Variants in SMAD9 observed in about 807,000 individuals in gnomAD.
SMAD9 encodes the protein MAD homolog 9.
In SMAD9, 36 loss-of-function variants were observed where a neutral mutation model predicts 46.1. The observed-to-expected ratio is 0.78, with a 90% CI of 0.60 to 1.03. The LOEUF is 1.03. SMAD9 is among the 50% of genes least tolerant of loss of function. SMAD9 has a pLI of 0.00. For synonymous variants in SMAD9, 245 were observed against 237.1 expected (o/e 1.03, Z -0.31); for missense variants, 572 against 599.8 (o/e 0.95, Z 0.48).
chr13:36,914,344 C>A (rs1253145313), intron 1 of SMAD9, among the ~76,000 whole-genome samples: 1 of 152,028 alleles, frequency 6.6e-6, no homozygotes, highest in Admixed American at 6.5e-5. Flanking sequence ...ATGGTGAAAC[C>A]CTGTCTCTAC....
chr13:36,862,892 T>C (rs569651365), intron 5 of SMAD9, among the ~76,000 whole-genome samples: 2 of 152,348 alleles, frequency 1.3e-5, no homozygotes, highest in South Asian at 4.1e-4. Context: ...CTATTGGACA[T>C]ACTGTATGTT....
Position 36,848,055 on chromosome 13 carries a change from GTTT to G in SMAD9, c.*618_*620del, listed in dbSNP as rs1271321747. On this transcript the variant is annotated 3_prime_UTR_variant, in exon 7 of 7. Coordinates refer to ENST00000379826, the MANE Select transcript of SMAD9 (RefSeq NM_001127217.3). ...AGGGAACATGACTTTTGGCTTCACA[GTTT>G]TTTTTCTTTTCCGATCACAGTTTGT... The G allele has an allele frequency of 6.6e-6, 1 of 152,310 alleles. No homozygotes were observed. Among genetic ancestry groups the G allele is most frequent in the Non-Finnish European group, 1.5e-5 (1 of 68,240 alleles). 9.4% of individuals were successfully genotyped at this position (152,310 alleles called of 1,614,324 possible).
Position 36,872,806 on chromosome 13 carries a change from G to A in SMAD9, c.522C>T (p.Asn174=), listed in dbSNP as rs377089593. 1.5e-5 allele frequency: 24 copies of A among 1,613,992 alleles called. No individual in the cohort carries two copies. Among genetic ancestry groups the A allele is most frequent in the African/African-American group, 8.0e-5 (6 of 74,894 alleles). Residue 174 remains asparagine, a synonymous_variant, in exon 3 of 7, where the codon AAC becomes AAT. Transcript: ENST00000379826. ...SLHSEPLMPH[N]ATYPDSFQQP... ...GCTGGAAAGAGTCAGGATAGGTGGC[G>A]TTGTGTGGCATGAGTGGCTCACTGT...
chr13:36,893,267 G>A (rs2147167), intron 1 of SMAD9, among the ~76,000 whole-genome samples: 36,073 of 151,458 alleles, frequency 0.24, 4,411 homozygotes, highest in African/African-American at 0.28. Flanking sequence ...TGTTGATAGT[G>A]GGGAAAAATT....
At chr13:36,889,325 G>GT (rs1242947821) in intron 1 of SMAD9, among the ~76,000 whole-genome samples, 2 of 152,200 alleles carry the variant, frequency 1.3e-5, no homozygotes, top group Admixed American at 6.5e-5. Context: ...GTGGCTCCAT[G>GT]TTTCTTTCAT....
chr13:36,919,712 G>C (rs1158955316), intron 1 of SMAD9, among the ~76,000 whole-genome samples: 2 of 135,706 alleles, frequency 1.5e-5, no homozygotes, highest in African/African-American at 5.6e-5. Context: ...GCCGCGGGTC[G>C]AACATCCCCT....
intron 5 of SMAD9, among the ~76,000 whole-genome samples, chr13:36,863,343 A>G (rs539617525): frequency 6.6e-6 from 1 of 152,328 alleles, no homozygotes; most frequent in Admixed American, 6.5e-5. Context: ...CAGCTCTGAG[A>G]AAACTGTAAC....
At chr13:36,850,674 C>G (rs1037915827) in intron 6 of SMAD9, among the ~76,000 whole-genome samples, 3 of 152,158 alleles carry the variant, frequency 2.0e-5, no homozygotes, top group African/African-American at 7.2e-5. Flanking sequence ...CCACCACGCC[C>G]GGCTCTTCTC....
At position 36,867,347 on chromosome 13, in the gene SMAD9, G is replaced by A. The variant is rs761937331; in HGVS notation, c.707C>T (p.Ala236Val). Residue 236 changes from alanine (A) to valine (V), a missense_variant, in exon 4 of 7, where the codon GCC (alanine) becomes GTC (valine). Coordinates refer to ENST00000379826, the MANE Select transcript of SMAD9 (RefSeq NM_001127217.3). ...TPPLPYHATE[A>V]SETQSGQPVD... Reference sequence around the variant, plus strand: ...AGGTTGGCCACTCTGGGTCTCAGAGGCTTCTGTGGCATGATAAGGCAGGGG... The same window carrying A: ...AGGTTGGCCACTCTGGGTCTCAGAGACTTCTGTGGCATGATAAGGCAGGGG... The A allele has an allele frequency of 2.6e-6, 4 of 1,551,178 alleles. 1 individual carries two copies. The highest frequency in any genetic ancestry group is 3.5e-6 in the Non-Finnish European group (4 of 1,146,702).
At chr13:36,899,998 C>T (rs2058560705) in intron 1 of SMAD9, among the ~76,000 whole-genome samples, 1 of 152,268 alleles carries the variant, frequency 6.6e-6, no homozygotes, top group African/African-American at 2.4e-5. Flanking sequence ...CTGCAAGGTC[C>T]TACACCACTA....
At chr13:36,863,477 C>T (rs2058203197) in intron 5 of SMAD9, among the ~76,000 whole-genome samples, 1 of 152,122 alleles carries the variant, frequency 6.6e-6, no homozygotes, top group South Asian at 2.1e-4. Flanking sequence ...ACCCTAAAGA[C>T]GAGCTCTCAG....
At position 36,920,224 on chromosome 13, in the gene SMAD9, G is replaced by T. The variant is rs1372945077; in HGVS notation, c.-295C>A. 3 of 163,302 alleles carry T rather than the reference G, an allele frequency of 1.8e-5. No individual in the cohort carries two copies. Among genetic ancestry groups the T allele is most frequent in the East Asian group, 1.7e-4 (1 of 5,732 alleles). The allele number at this position is 163,302 out of a possible 1,614,324, so 10.1% of individuals were successfully genotyped here. On this transcript the variant is annotated 5_prime_UTR_variant, in exon 1 of 7. Transcript: ENST00000379826. ...GGCGGCGGCGGCGGCGGCCCCAGCC[G>T]GCGTCAGTCAGACTGGAGCCGCGAA...
At chr13:36,871,581 C>T (rs1328670839) in intron 3 of SMAD9, among the ~76,000 whole-genome samples, 3 of 151,582 alleles carry the variant, frequency 2.0e-5, no homozygotes, top group Non-Finnish European at 4.4e-5. Flanking sequence ...ATTCAATAAG[C>T]AACTGATGAG....
At chr13:36,891,051 G>T (rs1261860174) in intron 1 of SMAD9, among the ~76,000 whole-genome samples, 8 of 152,098 alleles carry the variant, frequency 5.3e-5, no homozygotes, top group Non-Finnish European at 1.0e-4. Context: ...TGTAGTTCAT[G>T]GTGGTAAACC....
At chr13:36,895,656 G>GA (rs1234832363) in intron 1 of SMAD9, among the ~76,000 whole-genome samples, 1 of 152,214 alleles carries the variant, frequency 6.6e-6, no homozygotes, top group Non-Finnish European at 1.5e-5. Flanking sequence ...TTCAGAGAAA[G>GA]ATGTGTTCAA....
intron 1 of SMAD9, among the ~76,000 whole-genome samples, chr13:36,898,915 G>A (rs2058551560): frequency 6.6e-6 from 1 of 152,124 alleles, no homozygotes; most frequent in Non-Finnish European, 1.5e-5. Flanking sequence ...GTCCTAGCCA[G>A]TGCGATAAAG....
intron 5 of SMAD9, among the ~76,000 whole-genome samples, chr13:36,855,181 G>A (rs141661488): frequency 0.015 from 2,206 of 150,242 alleles, 52 homozygotes; most frequent in African/African-American, 0.05. Context: ...CTTGGGAGGC[G>A]GAGGCTGCAG....
At chr13:36,917,796 G>A (rs1273354125) in intron 1 of SMAD9, among the ~76,000 whole-genome samples, 1 of 152,202 alleles carries the variant, frequency 6.6e-6, no homozygotes, top group Non-Finnish European at 1.5e-5. Context: ...ATATAAAGTA[G>A]TTACCTTAAT....
At chr13:36,905,498 G>C (rs1341532261) in intron 1 of SMAD9, among the ~76,000 whole-genome samples, 1 of 152,052 alleles carries the variant, frequency 6.6e-6, no homozygotes, top group Non-Finnish European at 1.5e-5. Flanking sequence ...GCTCACACCT[G>C]TAATCCCAGC....
Sources: gnomAD v4.1 joint callset for allele counts (sites outside exome capture counted in the v4.1 genomes callset) on GRCh38, gnomAD v4.1.1 for gene constraint, MANE v1.5 for transcripts, NCBI Gene and HGNC (gene_info 2026-07-23, HGNC 2026-07-21) for gene names.